Variants in PLCE1 observed in about 807,000 individuals in gnomAD.
PLCE1 encodes phospholipase C epsilon 1.
In PLCE1, 119 loss-of-function variants were observed where a neutral mutation model predicts 242.8. The ratio of observed to expected loss-of-function variants is 0.49; its 90% confidence interval spans 0.42 to 0.57. The LOEUF is 0.57. PLCE1 is among the 20% of genes least tolerant of loss of function. The pLI is 0.00. For missense variants in PLCE1, 2,441 were observed against 2,788.8 expected (o/e 0.88, Z 2.81); for synonymous variants, 945 against 1,017.4 (o/e 0.93, Z 1.35).
At chr10:94,325,950 T>TAACA (rs1355222101) in intron 32 of PLCE1, among the ~76,000 whole-genome samples, 1 of 152,150 alleles carries the variant, frequency 6.6e-6, no homozygotes, top group Non-Finnish European at 1.5e-5. Flanking sequence ...CAAAATAACA[T>TAACA]AACAGCCTCA....
At chr10:94,132,487 T>C (rs745839199) in intron 3 of PLCE1, 28 bp downstream of exon 3, 262 of 1,604,430 alleles carry the variant, frequency 1.6e-4, no homozygotes, top group Non-Finnish European at 2.1e-4. Flanking sequence ...ACTTTTAACT[T>C]TCTATCTTTG....
intron 3 of PLCE1, among the ~76,000 whole-genome samples, chr10:94,156,469 G>A (rs919112795): frequency 6.6e-6 from 1 of 152,200 alleles, no homozygotes; most frequent in African/African-American, 2.4e-5. Flanking sequence ...ACCAGTTTAT[G>A]ATAAAGGATG....
intron 4 of PLCE1, among the ~76,000 whole-genome samples, chr10:94,174,707 C>A (rs1245844145): frequency 6.6e-6 from 1 of 152,098 alleles, no homozygotes; most frequent in African/African-American, 2.4e-5. Context: ...TATCAGGCAA[C>A]TCTAAATTGA....
Position 94,298,419 on chromosome 10 carries a change from T to C in PLCE1, c.5208T>C (p.Ser1736=), listed in dbSNP as rs200877364. The change falls in exon 24 of 33, where the codon TCT becomes TCC. Residue 1736 remains serine (S), a synonymous_variant. Transcript: ENST00000371380. The surrounding 1 kb of genome is among the most constrained non-coding windows in gnomAD (Gnocchi z 5.2). The part of the protein sequence containing the change: ...EGIRQTWEES[S]SPLNPTTSLS... ...TTCGACAGACCTGGGAGGAATCTTC[T>C]TCCCCTCTCAACCCAACCACGTCCC... 6.2e-7 allele frequency: 1 copy of C among 1,614,098 alleles called. No individual in the cohort carries two copies. Among genetic ancestry groups the C allele is most frequent in the East Asian group, 2.2e-5 (1 of 44,888 alleles).
intron 1 of PLCE1, among the ~76,000 whole-genome samples, chr10:94,016,193 A>C (rs1343739113): frequency 1.3e-5 from 2 of 152,058 alleles, no homozygotes; most frequent in African/African-American, 2.4e-5. Context: ...TGTAGGTTTT[A>C]TTATGTCCAA....
chr10:94,284,025 C>A, intron 21 of PLCE1, 114 bp downstream of exon 21: 1 of 1,245,418 alleles, frequency 8.0e-7, no homozygotes, highest in African/African-American at 1.5e-5. Context: ...CTCACTTTCC[C>A]TTAGATACCT....
chr10:94,316,854 T>A, intron 29 of PLCE1, 98 bp downstream of exon 29: 1 of 849,226 alleles, frequency 1.2e-6, no homozygotes, highest in Non-Finnish European at 2.0e-6. Flanking sequence ...TTCTTGTAAT[T>A]GCAACTTGGT....
chr10:93,996,960 A>C (rs2060836207), intron 1 of PLCE1, among the ~76,000 whole-genome samples: 1 of 152,208 alleles, frequency 6.6e-6, no homozygotes, highest in South Asian at 2.1e-4. Flanking sequence ...TAATCTCCAA[A>C]GTGTACTGGT....
intron 2 of PLCE1, among the ~76,000 whole-genome samples, chr10:94,059,941 G>T (rs1194544355): frequency 6.6e-6 from 1 of 152,150 alleles, no homozygotes; most frequent in Non-Finnish European, 1.5e-5. Flanking sequence ...TTTGAAGAAG[G>T]TACCTGGGTT....
chr10:94,165,010 G>C (rs1564747662), intron 3 of PLCE1, among the ~76,000 whole-genome samples: 2 of 152,184 alleles, frequency 1.3e-5, no homozygotes, highest in African/African-American at 2.4e-5. Context: ...TGTCTCAGAG[G>C]AGTACCCGGC....
intron 8 of PLCE1, among the ~76,000 whole-genome samples, chr10:94,251,106 A>C (rs1047736301): frequency 6.6e-6 from 1 of 152,222 alleles, no homozygotes; most frequent in South Asian, 2.1e-4. Context: ...TGACACACCC[A>C]TCGAGACTAT....
chr10:94,032,026 G>A lies in PLCE1; in HGVS notation c.980G>A (p.Arg327Lys), dbSNP rs1273592559. The change falls in exon 2 of 33, where the codon AGG becomes AAG. Residue 327 changes from arginine (R) to lysine (K), a missense_variant. This residue lies in a region of PLCE1 where 1 missense variants were observed against 16.3 expected (regional missense o/e 0.06). Transcript: ENST00000371380. Reference sequence around the variant, plus strand: ...AAGGAGCGATCCACTTTGTTAGTCAGGAGATTCTGTAAAAATGACAGAGAA... The same window carrying A: ...AAGGAGCGATCCACTTTGTTAGTCAAGAGATTCTGTAAAAATGACAGAGAA... ...SKKERSTLLVRRFCKNDREVK... is the reference protein window; with the variant it reads ...SKKERSTLLVKRFCKNDREVK... 1 of 1,613,550 alleles carries A rather than the reference G, an allele frequency of 6.2e-7. No homozygotes were observed. The highest frequency in any genetic ancestry group is 1.1e-5 in the South Asian group (1 of 91,046).
intron 3 of PLCE1, among the ~76,000 whole-genome samples, chr10:94,151,303 GT>G (rs1404105252): frequency 6.6e-6 from 1 of 152,170 alleles, no homozygotes; most frequent in Non-Finnish European, 1.5e-5. Flanking sequence ...TCAGGAGCTT[GT>G]TGCAAATATT....
At chr10:94,214,588 A>G (rs1292476089) in intron 4 of PLCE1, among the ~76,000 whole-genome samples, 1 of 152,148 alleles carries the variant, frequency 6.6e-6, no homozygotes, top group Non-Finnish European at 1.5e-5. Flanking sequence ...ATTTGTTTTC[A>G]GTGGAATGTA....
intron 1 of PLCE1, among the ~76,000 whole-genome samples, chr10:94,011,087 G>A (rs572386929): frequency 1.3e-5 from 2 of 152,272 alleles, no homozygotes; most frequent in East Asian, 3.9e-4. Context: ...CTGAGGCTGG[G>A]TAACTTACAA....
rs1015812198 is a variant in PLCE1, at chr10:94,282,476, G to A, written c.4796-1314G>A. 2.6e-5 allele frequency among the ~76,000 whole-genome samples: 4 copies of A among 152,208 alleles called. No homozygotes were observed. The South Asian group carries it at 6.2e-4, about 24-fold the overall frequency. ...TATGACAATGACAGCACAATTCCAA[G>A]AAATTAATCTGTTTCTGTACATTTG... On this transcript the variant is annotated intron_variant, in intron 20 of 32. Transcript: ENST00000371380.
chr10:94,250,857 G>A (rs1490203541), intron 8 of PLCE1, among the ~76,000 whole-genome samples: 1 of 152,138 alleles, frequency 6.6e-6, no homozygotes, highest in Non-Finnish European at 1.5e-5. Context: ...ATTCAAAATG[G>A]TAGTTAAAAC....
chr10:94,186,078 T>A (rs2048467768), intron 4 of PLCE1, among the ~76,000 whole-genome samples: 1 of 152,194 alleles, frequency 6.6e-6, no homozygotes, highest in Non-Finnish European at 1.5e-5. Flanking sequence ...CACTTGTCAG[T>A]CCCCAGGAGG....
At chr10:94,240,721 T>G (rs2050477681) in intron 7 of PLCE1, among the ~76,000 whole-genome samples, 1 of 152,142 alleles carries the variant, frequency 6.6e-6, no homozygotes, top group Non-Finnish European at 1.5e-5. Context: ...TCAGGGAACA[T>G]TAGACAAGTA....
Sources: gnomAD v4.1 joint callset for allele counts (sites outside exome capture counted in the v4.1 genomes callset) on GRCh38, gnomAD v4.1.1 for gene constraint, gnomAD v4.1.1 regional missense constraint, Gnocchi (gnomAD v3.1) non-coding constraint, MANE v1.5 for transcripts, NCBI Gene and HGNC (gene_info 2026-07-23, HGNC 2026-07-21) for gene names.